ENPP4: variants seen among roughly 807,000 people sequenced by gnomAD.
ENPP4 encodes the protein bis(5'-adenosyl)-triphosphatase ENPP4.
ENPP4 carries 18 observed loss-of-function variants against 33.4 expected under a neutral mutation model. The ratio of observed to expected loss-of-function variants is 0.54; its 90% CI spans 0.37 to 0.80. ENPP4 has a LOEUF of 0.80. ENPP4 is among the 30% of genes least tolerant of loss of function. The pLI, the probability that ENPP4 is intolerant of heterozygous loss-of-function variation, is 0.00. For synonymous variants in ENPP4, 172 were observed against 189.9 expected, an observed-to-expected ratio of 0.91 and a Z score of 0.78; for missense variants, 480 against 541.7, an observed-to-expected ratio of 0.89 and a Z score of 1.13.
intron 1 of ENPP4, among the ~76,000 whole-genome samples, chr6:46,130,947 GC>G (rs2127491311): frequency 6.6e-6 from 1 of 152,288 alleles, no homozygotes; most frequent in Admixed American, 6.5e-5. Flanking sequence ...AGGAAGATTT[GC>G]CAACTACTGT....
At position 46,141,040 on chromosome 6, in the gene ENPP4, T is replaced by C. The variant is rs752190109; in HGVS notation, c.827-12T>C. The C allele has an allele frequency of 1.3e-6, 2 of 1,542,690 alleles. No individual in the cohort carries two copies. Among genetic ancestry groups the C allele is most frequent in the South Asian group, 2.5e-5 (2 of 81,354 alleles). The stretch of plus-strand genomic sequence containing the variant: ...TAACTTGTTTCCTTTGCTGTTTCTT[T>C]TTTTTTCTCAGATAGAACAGAGGTT... On this transcript the variant is annotated splice_polypyrimidine_tract_variant and intron_variant, in intron 2 of 3. Transcript: ENST00000321037.
chr6:46,138,035 T>G (rs1478119760), intron 1 of ENPP4, among the ~76,000 whole-genome samples: 1 of 151,826 alleles, frequency 6.6e-6, no homozygotes, highest in Non-Finnish European at 1.5e-5. Context: ...TCTTCATACC[T>G]GGGACCTCAA....
intron 3 of ENPP4, among the ~76,000 whole-genome samples, chr6:46,141,626 C>T (rs187810106): frequency 2.0e-5 from 3 of 151,580 alleles, no homozygotes; most frequent in East Asian, 1.9e-4. Context: ...AATCATTTAC[C>T]TGAATGCTAC....
chr6:46,131,934 T>C (rs1380203508), intron 1 of ENPP4, among the ~76,000 whole-genome samples: 1 of 152,040 alleles, frequency 6.6e-6, no homozygotes. Flanking sequence ...TTTCATGTGT[T>C]TTTTGGCTGC....
intron 1 of ENPP4, among the ~76,000 whole-genome samples, chr6:46,131,791 C>T (rs1581952566): frequency 6.6e-6 from 1 of 152,006 alleles, no homozygotes; most frequent in South Asian, 2.1e-4. Context: ...AAAAGTGTTC[C>T]TATTTCTCCA....
rs2127493420 is a variant in ENPP4, at chr6:46,144,552, T to A, written c.*912T>A. 1 of 158,388 alleles carries A rather than the reference T, an allele frequency of 6.3e-6. No individual in the cohort carries two copies. Among genetic ancestry groups the A allele is most frequent in the East Asian group, 1.8e-4 (1 of 5,614 alleles). 9.8% of individuals were successfully genotyped at this position (158,388 alleles called of 1,614,324 possible). On this transcript the variant is annotated 3_prime_UTR_variant, in exon 4 of 4. Coordinates refer to ENST00000321037, the MANE Select transcript of ENPP4 (RefSeq NM_014936.5). ...GTTATTTTTGCACTTCATATTTGTT[T>A]ACTTTCTCCTAACTCACAAGTTAAA...
chr6:46,135,538 C>G (rs1425534853), intron 1 of ENPP4, among the ~76,000 whole-genome samples: 1 of 151,968 alleles, frequency 6.6e-6, no homozygotes, highest in African/African-American at 2.4e-5. Context: ...TGAGTTGTAG[C>G]AATTCTTTAT....
At position 46,145,309 on chromosome 6, in the gene ENPP4, A is replaced by G. The variant is rs1581958789; in HGVS notation, c.*1669A>G. 2.6e-5 allele frequency: 5 copies of G among 190,968 alleles called. No individual in the cohort carries two copies. The East Asian group carries it at 6.0e-4, about 23-fold the overall frequency. The allele number at this position is 190,968 out of a possible 1,614,324, so 11.8% of individuals were successfully genotyped here. ...TTTGTGGTTGTTGAGAGGCATTTTC[A>G]AACCCTGTATAAATAATCCATGCTG... On this transcript the variant is annotated 3_prime_UTR_variant, in exon 4 of 4. Coordinates refer to ENST00000321037, the MANE Select transcript of ENPP4 (RefSeq NM_014936.5).
At chr6:46,131,914 G>A (rs1234244799) in intron 1 of ENPP4, among the ~76,000 whole-genome samples, 11 of 152,132 alleles carry the variant, frequency 7.2e-5, no homozygotes, top group African/African-American at 2.2e-4. Flanking sequence ...GCCAGTGATG[G>A]TGAGCATTTT....
At position 46,143,493 on chromosome 6, in the gene ENPP4, A is replaced by G. The variant is rs1562061404; in HGVS notation, c.1215A>G (p.Pro405=). 2 of 1,612,798 alleles carry G rather than the reference A, an allele frequency of 1.2e-6. No homozygotes were observed. The highest frequency in any genetic ancestry group is 1.3e-5 in the African/African-American group (1 of 74,832). ...TTGACCAGTGGTGCATTAATCTCCCAGAAGCCATCGCGATTGTTATCGGTT... is the reference window on the plus strand; with the variant it reads ...TTGACCAGTGGTGCATTAATCTCCCGGAAGCCATCGCGATTGTTATCGGTT... ...LLVDQWCINL[P]EAIAIVIGSL... is the part of the protein sequence containing the mutation. Residue 405 remains proline (P), a synonymous_variant, in exon 4 of 4, where the codon CCA becomes CCG. Coordinates refer to ENST00000321037, the MANE Select transcript of ENPP4 (RefSeq NM_014936.5).
chr6:46,137,488 A>G (rs1763993909), intron 1 of ENPP4, among the ~76,000 whole-genome samples: 1 of 151,766 alleles, frequency 6.6e-6, no homozygotes, highest in African/African-American at 2.4e-5. Context: ...ATCTGATTGA[A>G]CCCAGTTAAA....
At position 46,139,869 on chromosome 6, in the gene ENPP4, G is replaced by T. The variant is rs758629905; in HGVS notation, c.286G>T (p.Ala96Ser). ...CATTGTGGCTAATTCCATGTATGAT[G>T]CAGTCACAAAGAAACACTTTTCTGA... ...HGIVANSMYD[A>S]VTKKHFSDSN... is the part of the protein sequence containing the mutation. The change falls in exon 2 of 4, where the codon GCA (alanine) becomes TCA (serine). Residue 96 changes from alanine (A) to serine (S), a missense_variant. Coordinates refer to ENST00000321037, the MANE Select transcript of ENPP4 (RefSeq NM_014936.5). 6.2e-7 allele frequency: 1 copy of T among 1,612,690 alleles called. No homozygotes were observed.
chr6:46,139,632 A>C lies in ENPP4; in HGVS notation c.49A>C (p.Arg17=). 1 of 1,610,036 alleles carries C rather than the reference A, an allele frequency of 6.2e-7. No individual in the cohort carries two copies. The highest frequency in any genetic ancestry group is 8.5e-7 in the Non-Finnish European group (1 of 1,177,026). ...GTTTTCTGGACTTATAACTGGTTTT[A>C]GAAGTGACTCTTCCTCTAGTTTGCC... ...LLFSGLITGF[R]SDSSSSLPPK... The change falls in exon 2 of 4, where the codon AGA becomes CGA. Residue 17 remains arginine (R), a synonymous_variant. Coordinates refer to ENST00000321037, the MANE Select transcript of ENPP4 (RefSeq NM_014936.5).
intron 1 of ENPP4, among the ~76,000 whole-genome samples, chr6:46,136,425 G>C (rs1763976988): frequency 6.6e-6 from 1 of 151,906 alleles, no homozygotes; most frequent in South Asian, 2.1e-4. Flanking sequence ...TATTCTGGAA[G>C]TGCAAACTAA....
intron 1 of ENPP4, among the ~76,000 whole-genome samples, chr6:46,137,638 AC>A (rs1763995633): frequency 6.6e-6 from 1 of 151,852 alleles, no homozygotes; most frequent in Non-Finnish European, 1.5e-5. Context: ...CTGTGGAAAT[AC>A]CCATATGCCT....
At position 46,141,184 on chromosome 6, in the gene ENPP4, A is replaced by C; in HGVS notation, c.959A>C (p.Glu320Ala). The change falls in exon 3 of 4, where the codon GAA becomes GCA. Residue 320 changes from glutamate (E) to alanine (A), a missense_variant. Glu to Ala is a moderately radical substitution (Grantham distance 107). Around this residue, in one of 3 missense-constraint regions of ENPP4, gnomAD observed 249 missense variants for 251.8 expected, o/e 0.99. Coordinates refer to ENST00000321037, the MANE Select transcript of ENPP4 (RefSeq NM_014936.5). ...RIQPIILVAD[E>A]GWTIVLNESS... ...CAGCCCATTATTTTGGTTGCCGATG[A>C]AGGCTGGACAATTGTGCTAAATGAA... The C allele has an allele frequency of 6.2e-7, 1 of 1,609,270 alleles. No homozygotes were observed. Among genetic ancestry groups the C allele is most frequent in the Non-Finnish European group, 8.5e-7 (1 of 1,176,922 alleles).
chr6:46,133,696 A>T (rs576929320), intron 1 of ENPP4, among the ~76,000 whole-genome samples: 1 of 152,050 alleles, frequency 6.6e-6, no homozygotes, highest in Admixed American at 6.5e-5. Context: ...AAAATTACAG[A>T]ATTTCTCTCA....
chr6:46,137,910 G>A (rs923635813), intron 1 of ENPP4, among the ~76,000 whole-genome samples: 2 of 150,046 alleles, frequency 1.3e-5, no homozygotes, highest in African/African-American at 4.9e-5. Context: ...CCACAAGTAC[G>A]CAGATCCTCC....
rs780315627 is a variant in ENPP4, at chr6:46,139,870, C to G, written c.287C>G (p.Ala96Gly). ...HGIVANSMYD[A>G]VTKKHFSDSN... Reference sequence around the variant, plus strand: ...ATTGTGGCTAATTCCATGTATGATGCAGTCACAAAGAAACACTTTTCTGAC... The same window carrying G: ...ATTGTGGCTAATTCCATGTATGATGGAGTCACAAAGAAACACTTTTCTGAC... Residue 96 changes from alanine to glycine, a missense_variant, in exon 2 of 4, where the codon GCA becomes GGA. Physicochemically the swap from Ala to Gly is moderately conservative, Grantham distance 60 (BLOSUM62 0). This residue lies in a region of ENPP4 where 227 missense variants were observed against 273.7 expected (regional missense o/e 0.83). Transcript: ENST00000321037. 7.4e-6 allele frequency: 12 copies of G among 1,612,662 alleles called. No individual in the cohort carries two copies. The South Asian group carries it at 1.1e-4, about 15-fold the overall frequency.
Sources: allele counts gnomAD v4.1 joint callset (sites outside exome capture counted in the v4.1 genomes callset), GRCh38; gene constraint gnomAD v4.1.1; regional missense constraint gnomAD v4.1.1; transcripts MANE v1.5; gene names NCBI Gene and HGNC (gene_info 2026-07-23, HGNC 2026-07-21).